The following ORC2 variants were observed in gnomAD, a reference collection of about 807,000 sequenced individuals.
ORC2 encodes the protein origin recognition complex subunit 2.
Under a neutral mutation model 77.7 loss-of-function variants are expected in ORC2, and 37 were observed. The observed-to-expected ratio is 0.48, with a 90% confidence interval of 0.37 to 0.63. ORC2 has a LOEUF of 0.63. ORC2 is among the 20% of genes least tolerant of loss of function. The pLI is 0.00. For missense variants in ORC2, 557 were observed against 661.9 expected (o/e 0.84, Z 1.74); for synonymous variants, 201 against 229.5 (o/e 0.88, Z 1.12).
At chr2:200,920,089 C>T in intron 15 of ORC2, 133 bp downstream of exon 15, 1 of 612,374 alleles carries the variant, frequency 1.6e-6, no homozygotes, top group South Asian at 3.1e-5. Flanking sequence ...TAATCCAGTA[C>T]TGGTAACTAT....
intron 9 of ORC2, among the ~76,000 whole-genome samples, chr2:200,934,492 TG>T (rs776188474): frequency 4.7e-5 from 7 of 148,474 alleles, no homozygotes; most frequent in Non-Finnish European, 7.5e-5. Context: ...TTTTTTAAAT[TG>T]TTTTTTTTTT....
chr2:200,959,008 T>C (rs1447271109), intron 2 of ORC2, among the ~76,000 whole-genome samples: 2 of 152,254 alleles, frequency 1.3e-5, no homozygotes, highest in African/African-American at 4.8e-5. Flanking sequence ...AACTATTGAC[T>C]GTGTCTCTCT....
At chr2:200,959,053 G>A (rs1275048999) in intron 2 of ORC2, among the ~76,000 whole-genome samples, 1 of 151,962 alleles carries the variant, frequency 6.6e-6, no homozygotes, top group African/African-American at 2.4e-5. Context: ...GGGTCTCACT[G>A]TGTTGCTGCA....
At chr2:200,919,746 G>T (rs1038308680) in intron 15 of ORC2, among the ~76,000 whole-genome samples, 4 of 152,328 alleles carry the variant, frequency 2.6e-5, no homozygotes, top group Admixed American at 2.0e-4. Context: ...GCTGCTGTAA[G>T]GGCTTGACTG....
chr2:200,922,794 C>T lies in ORC2; in HGVS notation c.1148-1655G>A, dbSNP rs16835760. On this transcript the variant is annotated intron_variant, in intron 13 of 17. Coordinates refer to ENST00000234296, the MANE Select transcript of ORC2 (RefSeq NM_006190.5). Reference sequence around the variant, plus strand: ...TTAGGCATCTATTTTAATGAGCATACGAACAATACTGGGCTCTTACAAGGA... The same window carrying T: ...TTAGGCATCTATTTTAATGAGCATATGAACAATACTGGGCTCTTACAAGGA... 7.7e-3 allele frequency among the ~76,000 whole-genome samples: 1,177 copies of T among 152,170 alleles called. 12 individuals carry two copies. Among genetic ancestry groups the T allele is most frequent in the African/African-American group, 0.027 (1,117 of 41,534 alleles).
chr2:200,948,710 G>A (rs745439996), intron 5 of ORC2, among the ~76,000 whole-genome samples: 3 of 151,694 alleles, frequency 2.0e-5, no homozygotes, highest in Non-Finnish European at 4.4e-5. Flanking sequence ...CTACAGGCAC[G>A]TGCCACCACG....
chr2:200,942,984 A>G (rs915565095), intron 5 of ORC2: 15 of 360,324 alleles, frequency 4.2e-5, no homozygotes, highest in Non-Finnish European at 2.0e-5. Flanking sequence ...TTACCCACAG[A>G]TTTCTTTAAA....
intron 13 of ORC2, among the ~76,000 whole-genome samples, chr2:200,925,318 A>G (rs997125548): frequency 6.6e-6 from 1 of 152,096 alleles, no homozygotes; most frequent in African/African-American, 2.4e-5. Context: ...ATAAACAGAA[A>G]CAGGCTTTTG....
rs1409756283 is a variant in ORC2, at chr2:200,909,355, T to G, written c.*1946A>C. 3 of 152,198 alleles carry G rather than the reference T, an allele frequency of 2.0e-5. No individual in the cohort carries two copies. The highest frequency in any genetic ancestry group is 7.2e-5 in the African/African-American group (3 of 41,450). 9.4% of individuals were successfully genotyped at this position (152,198 alleles called of 1,614,324 possible). On this transcript the variant is annotated 3_prime_UTR_variant, in exon 18 of 18. Coordinates refer to ENST00000234296, the MANE Select transcript of ORC2 (RefSeq NM_006190.5). ...ATCCTTTGGTACTATTAAAAAAATT[T>G]TTTTAAATCACATTTATGTACAAAT...
intron 4 of ORC2, among the ~76,000 whole-genome samples, chr2:200,957,068 A>G (rs1402614161): frequency 6.6e-6 from 1 of 152,124 alleles, no homozygotes; most frequent in Non-Finnish European, 1.5e-5. Flanking sequence ...GGGGCTTAAA[A>G]CCTAGATGAT....
At chr2:200,945,328 G>A (rs1269618908) in intron 5 of ORC2, among the ~76,000 whole-genome samples, 4 of 152,132 alleles carry the variant, frequency 2.6e-5, no homozygotes, top group African/African-American at 9.7e-5. Context: ...GACCGAGGTG[G>A]GTGGATCACT....
chr2:200,921,705 C>G (rs1291353823), intron 13 of ORC2: 1 of 152,188 alleles, frequency 6.6e-6, no homozygotes, highest in African/African-American at 2.4e-5. Flanking sequence ...GGGGTGATCT[C>G]AGCTCACTGC....
intron 4 of ORC2, 150 bp from the exon 5 acceptor site, chr2:200,949,793 TAAAGA>T (rs758053263): frequency 1.2e-4 from 56 of 453,666 alleles, no homozygotes; most frequent in African/African-American, 4.3e-4. Context: ...AAATACATAG[TAAAGA>T]AAACAGGCTA....
At chr2:200,961,032 C>A (rs1337098734) in intron 1 of ORC2, among the ~76,000 whole-genome samples, 5 of 152,152 alleles carry the variant, frequency 3.3e-5, no homozygotes, top group African/African-American at 4.8e-5. Flanking sequence ...ACCTCAGCCT[C>A]CCAAAGTGTT....
chr2:200,948,067 CCTGG>C (rs2041283363), intron 5 of ORC2, among the ~76,000 whole-genome samples: 6 of 148,088 alleles, frequency 4.1e-5, no homozygotes, highest in Admixed American at 4.0e-4. Flanking sequence ...CGCCACCACG[CCTGG>C]CTAATTTTTT....
In ORC2 at chr2:200,911,368, T is replaced by C; in HGVS notation, c.1667A>G (p.Tyr556Cys). 1 of 1,596,806 alleles carries C rather than the reference T, an allele frequency of 6.3e-7. No homozygotes were observed. Among genetic ancestry groups the C allele is most frequent in the Non-Finnish European group, 8.6e-7 (1 of 1,164,316 alleles). Residue 556 changes from tyrosine (Y) to cysteine (C), a missense_variant, in exon 18 of 18, where the codon TAT (tyrosine) becomes TGT (cysteine). Tyr to Cys is a radical substitution (Grantham distance 194). Transcript: ENST00000234296. ...TCCATTATCAACAGGAATTAATAAA[T>C]ACTCTACTCCATCAGTTCCCTGAAA... Reference protein sequence around the residue: ...RTKKGTDGVEYLLIPVDNGTL... With the variant: ...RTKKGTDGVECLLIPVDNGTL...
chr2:200,925,902 C>G lies in ORC2; in HGVS notation c.1081G>C (p.Asp361His). 3 of 1,591,622 alleles carry G rather than the reference C, an allele frequency of 1.9e-6. No homozygotes were observed. The highest frequency in any genetic ancestry group is 1.3e-5 in the African/African-American group (1 of 74,568). ...ATACTGCGGAAAGTACCCATATGAT[C>G]GAGGACTTCTTCTGTTATAGAATTC... ...VLNSITEEVL[D>H]HMGTFRSILD... The change falls in exon 13 of 18, where the codon GAT becomes CAT. Residue 361 changes from aspartate to histidine, a missense_variant. By Grantham distance (81) the Asp-to-His change is moderately conservative. Coordinates refer to ENST00000234296, the MANE Select transcript of ORC2 (RefSeq NM_006190.5).
intron 15 of ORC2, among the ~76,000 whole-genome samples, chr2:200,914,500 T>C (rs1000175294): frequency 2.0e-5 from 3 of 152,118 alleles, no homozygotes; most frequent in African/African-American, 7.2e-5. Context: ...AAATATAGGC[T>C]GAGTGTGGTG....
chr2:200,951,098 T>A (rs948884936), intron 4 of ORC2, among the ~76,000 whole-genome samples: 2 of 152,236 alleles, frequency 1.3e-5, no homozygotes, highest in Non-Finnish European at 2.9e-5. Flanking sequence ...TTCCAGAATG[T>A]CATATAGTTG....
Sources: allele counts gnomAD v4.1 joint callset (sites outside exome capture counted in the v4.1 genomes callset), GRCh38; gene constraint gnomAD v4.1.1; transcripts MANE v1.5; gene names NCBI Gene and HGNC (gene_info 2026-07-23, HGNC 2026-07-21).